Variants in TPCN2 observed in about 807,000 individuals in gnomAD.
TPCN2 encodes the protein two pore channel protein 2.
In TPCN2, 92 loss-of-function variants were observed where a neutral mutation model predicts 111.4. The ratio of observed to expected loss-of-function variants is 0.83; its 90% CI spans 0.70 to 0.98. TPCN2 has a LOEUF of 0.98. TPCN2 is among the 50% of genes least tolerant of loss of function. The pLI is 0.00. For missense variants in TPCN2, 995 were observed against 980.1 expected (o/e 1.02, Z -0.20); for synonymous variants, 405 against 414.5 (o/e 0.98, Z 0.28).
Position 69,085,213 on chromosome 11 carries a change from G to T in TPCN2, c.1765G>T (p.Val589Phe), listed in dbSNP as rs1227557009. 1.9e-6 allele frequency: 3 copies of T among 1,613,868 alleles called. No individual in the cohort carries two copies. Among genetic ancestry groups the T allele is most frequent in the East Asian group, 2.2e-5 (1 of 44,878 alleles). ...MRAFGGILVV[V>F]YYVFAIIGIN... Reference sequence around the variant, plus strand: ...TCCCCGGCTCCTGGCCCGCCAGGTGGTCTACTACGTATTTGCCATCATTGG... The same window carrying T: ...TCCCCGGCTCCTGGCCCGCCAGGTGTTCTACTACGTATTTGCCATCATTGG... The change falls in exon 20 of 25, where the codon GTC (valine) becomes TTC (phenylalanine). Residue 589 changes from valine (V) to phenylalanine (F), a missense_variant. Physicochemically the swap from Val to Phe is conservative, Grantham distance 50. Coordinates refer to ENST00000294309, the MANE Select transcript of TPCN2 (RefSeq NM_139075.4).
At chr11:69,052,809 C>G (rs775460273) in intron 1 of TPCN2, among the ~76,000 whole-genome samples, 2 of 152,214 alleles carry the variant, frequency 1.3e-5, no homozygotes, top group Non-Finnish European at 2.9e-5. Context: ...CTGCTGCCTC[C>G]CATGTCACCA....
chr11:69,058,854 C>G (rs868656913), intron 5 of TPCN2, among the ~76,000 whole-genome samples: 35 of 152,382 alleles, frequency 2.3e-4, no homozygotes, highest in Middle Eastern at 3.4e-3. Context: ...ACCGCCATTT[C>G]TGAGTTACGG....
chr11:69,076,875 C>G (rs1300301874), intron 13 of TPCN2, among the ~76,000 whole-genome samples: 1 of 121,080 alleles, frequency 8.3e-6, no homozygotes, highest in African/African-American at 3.6e-5. Flanking sequence ...TGCCATGTCC[C>G]TCCACTTGCC....
chr11:69,087,840 G>A, intron 24 of TPCN2, 35 bp from the exon 25 acceptor site: 4 of 1,582,300 alleles, frequency 2.5e-6, no homozygotes, highest in Non-Finnish European at 3.5e-6. Context: ...CCCTCCTTTA[G>A]AGGCCCCTGT....
intron 13 of TPCN2, 80 bp downstream of exon 13, chr11:69,073,081 TC>T: frequency 9.4e-7 from 1 of 1,059,074 alleles, no homozygotes; most frequent in Admixed American, 1.7e-5. Flanking sequence ...GGGGAACTCT[TC>T]TAATGATCAG....
chr11:69,071,971 G>A lies in TPCN2; in HGVS notation c.1009G>A (p.Ala337Thr), dbSNP rs1855557059. 3.1e-6 allele frequency: 5 copies of A among 1,614,052 alleles called. No individual in the cohort carries two copies. Among genetic ancestry groups the A allele is most frequent in the Non-Finnish European group, 4.2e-6 (5 of 1,179,992 alleles). The change falls in exon 11 of 25, where the codon GCC becomes ACC. Residue 337 changes from alanine to threonine, a missense_variant. Transcript: ENST00000294309. ...LFRRRLGTRA[A>T]FEVLSSMVGE... ...TCGGAGGCGGCTGGGAACCCGGGCT[G>A]CCTTTGAAGTCCTATCCTCCATGGT...
chr11:69,076,579 T>C lies in TPCN2; in HGVS notation c.1231-1903T>C, dbSNP rs1446111049. ...TGTCCCTCCACCTGCCCTCCTGCTC[T>C]GTCCCTCCACCTGCCCTCCTGCCGT... On this transcript the variant is annotated intron_variant, in intron 13 of 24. Coordinates refer to ENST00000294309, the MANE Select transcript of TPCN2 (RefSeq NM_139075.4). Among the ~76,000 whole-genome samples, 392 of 145,688 alleles carry C rather than the reference T, an allele frequency of 2.7e-3. 13 individuals carry two copies. Among genetic ancestry groups the C allele is most frequent in the African/African-American group, 9.4e-3 (377 of 40,000 alleles).
rs1856393976 is a variant in TPCN2 at position 69,090,210 on chromosome 11, C to T, written c.*2257C>T. 1 of 62,276 alleles carries T rather than the reference C, an allele frequency of 1.6e-5. No homozygotes were observed. Among genetic ancestry groups the T allele is most frequent in the Non-Finnish European group, 5.8e-5 (1 of 17,368 alleles). The allele number at this position is 62,276 out of a possible 1,614,324, so 3.9% of individuals were successfully genotyped here. A position where few individuals can be genotyped will look rare whatever the true frequency, so the allele number is the denominator to read the frequency against. ...CTCTCTCTGTCTCATCTATTCACAG[C>T]TGGGAATGATACTAATACCTCCGAT... On this transcript the variant is annotated 3_prime_UTR_variant, in exon 25 of 25. Transcript: ENST00000294309.
rs145186935 is a variant in TPCN2 at position 69,079,864 on chromosome 11, C to T, written c.1570C>T (p.Arg524Ter). The T allele has an allele frequency of 3.8e-5, 61 of 1,613,588 alleles. No individual in the cohort carries two copies. The highest frequency in any genetic ancestry group is 6.7e-5 in the East Asian group (3 of 44,886). The change falls in exon 17 of 25, where the codon CGA becomes TGA. Residue 524 changes from arginine (R) to a stop codon, truncating the protein, a stop_gained. Transcript: ENST00000294309. LOFTEE classifies it high-confidence loss of function. ...GGAGATCTCAACTCTGGCTGTGTAC[C>T]GATTGCCACACCCAGGCTGGTATGT... ...VLEISTLAVY[R>*]LPHPGWRPEM...
intron 18 of TPCN2, 105 bp from the exon 19 acceptor site, chr11:69,083,840 C>A (rs1297128659): frequency 1.9e-6 from 2 of 1,029,982 alleles, no homozygotes; most frequent in South Asian, 1.4e-5. Context: ...TGGTCATTGG[C>A]CTGCCCCATC....
chr11:69,049,243 C>T (rs1861102933), intron 1 of TPCN2, 137 bp downstream of exon 1: 1 of 517,406 alleles, frequency 1.9e-6, no homozygotes, highest in Non-Finnish European at 3.0e-6. Flanking sequence ...CGGGCCGCGC[C>T]GGGTGCCAGG....
rs113436890 is a variant in TPCN2, at chr11:69,082,920, C to T, written c.1690-1025C>T. ...TCGCGTGCAGATATCCACGTGAACT[C>T]GTGCCCGTGTAAGATGCATGATCGT... On this transcript the variant is annotated intron_variant, in intron 18 of 24. Transcript: ENST00000294309. 1.0e-4 allele frequency among the ~76,000 whole-genome samples: 15 copies of T among 149,352 alleles called. No individual in the cohort carries two copies. In the East Asian group the frequency reaches 2.4e-3, roughly 24 times the overall value.
Position 69,071,940 on chromosome 11 carries a change from G to C in TPCN2, c.978G>C (p.Ser326=). ...RGYLMKSLQT[S]LFRRRLGTRA... is the part of the protein sequence containing the mutation. Reference sequence around the variant, plus strand: ...CTTTGCAGAAATCTCTCCAGACCTCGCTGTTTCGGAGGCGGCTGGGAACCC... The same window carrying C: ...CTTTGCAGAAATCTCTCCAGACCTCCCTGTTTCGGAGGCGGCTGGGAACCC... Residue 326 remains serine (S), a synonymous_variant, in exon 11 of 25, where the codon TCG becomes TCC. Coordinates refer to ENST00000294309, the MANE Select transcript of TPCN2 (RefSeq NM_139075.4). 1 of 1,613,970 alleles carries C rather than the reference G, an allele frequency of 6.2e-7. No individual in the cohort carries two copies. The highest frequency in any genetic ancestry group is 8.5e-7 in the Non-Finnish European group (1 of 1,179,956).
In TPCN2 at chr11:69,054,756, G is replaced by T; in HGVS notation, c.210G>T (p.Ser70=). The T allele has an allele frequency of 6.2e-7, 1 of 1,614,154 alleles. No individual in the cohort carries two copies. The highest frequency in any genetic ancestry group is 8.5e-7 in the Non-Finnish European group (1 of 1,180,006). Residue 70 remains serine (S), a synonymous_variant, in exon 3 of 25, where the codon TCG becomes TCT. Transcript: ENST00000294309. ...RSINHRVDAS[S]MWLYRRYYSN... ...TCAACCACCGGGTGGATGCCAGCTCGATGTGGCTTTACCGACGGTATTACT... is the reference window on the plus strand; with the variant it reads ...TCAACCACCGGGTGGATGCCAGCTCTATGTGGCTTTACCGACGGTATTACT...
chr11:69,063,574 C>T (rs1164626781), intron 6 of TPCN2, among the ~76,000 whole-genome samples: 4 of 152,116 alleles, frequency 2.6e-5, no homozygotes, highest in Non-Finnish European at 5.9e-5. Flanking sequence ...GCTGACCCCT[C>T]ACCATCCAGC....
rs1217671269 is a variant in TPCN2, at chr11:69,071,898, C to G, written c.961-25C>G. 4.4e-6 allele frequency: 7 copies of G among 1,605,488 alleles called. No homozygotes were observed. The East Asian group carries it at 1.6e-4, about 36-fold the overall frequency. On this transcript the variant is annotated intron_variant, in intron 10 of 24. Coordinates refer to ENST00000294309, the MANE Select transcript of TPCN2 (RefSeq NM_139075.4). ...CTGAGCTGGGGGAGGGCTGATCCTG[C>G]CGTTCATAGCCTTCCTCTTTGCAGA...
Position 69,071,967 on chromosome 11 carries a change from G to A in TPCN2, c.1005G>A (p.Arg335=), listed in dbSNP as rs1341299106. ...TGTTTCGGAGGCGGCTGGGAACCCG[G>A]GCTGCCTTTGAAGTCCTATCCTCCA... is the stretch of plus-strand genomic sequence containing the variant. ...TSLFRRRLGT[R]AAFEVLSSMV... The change falls in exon 11 of 25, where the codon CGG becomes CGA. Residue 335 remains arginine (R), a synonymous_variant. Transcript: ENST00000294309. 4.3e-6 allele frequency: 7 copies of A among 1,614,048 alleles called. No homozygotes were observed. The highest frequency in any genetic ancestry group is 5.9e-6 in the Non-Finnish European group (7 of 1,179,994).
At chr11:69,078,371 A>G (rs1590743688) in intron 13 of TPCN2, 111 bp from the exon 14 acceptor site, 3 of 1,355,912 alleles carry the variant, frequency 2.2e-6, no homozygotes, top group South Asian at 1.4e-5. Context: ...ATAGGACGGG[A>G]GATGGGGTAG....
At chr11:69,054,667 ACGG>A in intron 2 of TPCN2, 51 bp from the exon 3 acceptor site, 1 of 1,555,118 alleles carries the variant, frequency 6.4e-7, no homozygotes, top group East Asian at 2.3e-5. Context: ...GGCTCGGGTC[ACGG>A]CCCACCCTGC....
Sources: allele counts gnomAD v4.1 joint callset (sites outside exome capture counted in the v4.1 genomes callset), GRCh38; gene constraint gnomAD v4.1.1; transcripts MANE v1.5; gene names NCBI Gene and HGNC (gene_info 2026-07-23, HGNC 2026-07-21).